Variants in SPATC1L observed in about 807,000 individuals in gnomAD.
SPATC1L encodes the protein speriolin-like protein.
Under a neutral mutation model 21.2 loss-of-function variants are expected in SPATC1L, and 20 were observed. That is an observed-to-expected ratio of 0.94 (90% CI 0.66 to 1.37). The LOEUF is 1.37. SPATC1L is among the 40% of genes most tolerant of loss of function. The pLI is 0.00. For synonymous variants in SPATC1L, 290 were observed against 234.5 expected, an observed-to-expected ratio of 1.24 and a Z score of -2.16; for missense variants, 499 against 478.7, an observed-to-expected ratio of 1.04 and a Z score of -0.40.
intron 2 of SPATC1L, among the ~76,000 whole-genome samples, chr21:46,176,785 A>G (rs923538988): frequency 1.3e-5 from 2 of 152,190 alleles, no homozygotes; most frequent in African/African-American, 2.4e-5. Flanking sequence ...AAACTGTTTA[A>G]AAATTCATAT....
Position 46,174,341 on chromosome 21 carries a change from A to AC in SPATC1L, c.194-5684_194-5683insG, listed in dbSNP as rs368509188. On this transcript the variant is annotated intron_variant, in intron 2 of 4. Transcript: ENST00000291672. ...GAGCAAGACTCTGTCTCAAAAAACA[A>AC]AACAAAAAAAAAAAAAAAACAGAAT... Among the ~76,000 whole-genome samples, 332 of 83,112 alleles carry AC rather than the reference A, an allele frequency of 4.0e-3. 4 individuals carry two copies. The highest frequency in any genetic ancestry group is 0.014 in the African/African-American group (318 of 22,668). 54.5% of individuals were successfully genotyped at this position (83,112 alleles called of 152,430 possible). A position where few individuals can be genotyped will look rare whatever the true frequency, so the allele number is the denominator to read the frequency against.
intron 3 of SPATC1L, among the ~76,000 whole-genome samples, chr21:46,165,150 A>G (rs967185984): frequency 6.6e-6 from 1 of 152,236 alleles, no homozygotes; most frequent in Non-Finnish European, 1.5e-5. Context: ...GAAATTGACC[A>G]ATTCCTTAAA....
At position 46,161,996 on chromosome 21, in the gene SPATC1L, G is replaced by A. The variant is rs575362573; in HGVS notation, c.616C>T (p.Arg206Cys). 42 of 1,604,430 alleles carry A rather than the reference G, an allele frequency of 2.6e-5. No homozygotes were observed. The South Asian group carries it at 3.4e-4, about 13-fold the overall frequency. The stretch of plus-strand genomic sequence containing the variant: ...CCCGGGAACACGTAGGCCAGGATGC[G>A]GCGGTCCAGCTGGAAGGCGATCTCG... ...VGEIAFQLDR[R>C]ILAYVFPGVT... Residue 206 changes from arginine (R) to cysteine (C), a missense_variant, in exon 4 of 5, where the codon CGC becomes TGC. Transcript: ENST00000291672.
At chr21:46,162,301 G>A (rs1458557021) in intron 3 of SPATC1L, among the ~76,000 whole-genome samples, 2 of 152,168 alleles carry the variant, frequency 1.3e-5, no homozygotes, top group East Asian at 3.9e-4. Context: ...TTGCGATGAG[G>A]TAAACCTTTT....
intron 2 of SPATC1L, among the ~76,000 whole-genome samples, chr21:46,169,072 C>T (rs2079562510): frequency 1.3e-5 from 2 of 152,288 alleles, no homozygotes; most frequent in South Asian, 4.1e-4. Flanking sequence ...CACCCTGAGC[C>T]ATCTGGTAGC....
At position 46,161,543 on chromosome 21, in the gene SPATC1L, G is replaced by A. The variant is rs781647948; in HGVS notation, c.859C>T (p.Gln287Ter). ...FLINTYGILK[Q>*]RPDLRANPLH... The stretch of plus-strand genomic sequence containing the variant: ...GGGTTGGCGCGCAGGTCGGGCCGCT[G>A]CTTCAGGATTCCGTAGGTGTTGATG... Residue 287 changes from glutamine (Q) to a stop codon, truncating the protein, a stop_gained, in exon 5 of 5, where the codon CAG becomes TAG. Transcript: ENST00000291672. LOFTEE classifies it high-confidence loss of function. 11 of 1,610,062 alleles carry A rather than the reference G, an allele frequency of 6.8e-6. No homozygotes were observed. In the African/African-American group the frequency reaches 1.1e-4, roughly 16 times the overall value.
rs1451622557 is a variant in SPATC1L at position 46,182,717 on chromosome 21, G to C, written c.100C>G (p.Leu34Val). ...CCCTCCTGGCAGCTCTGGCTGAGCA[G>C]CCGCCGCAGCATCTGATTCTCCTTC... ...LLKENQMLRR[L>V]LSQSCQEGGG... is the part of the protein sequence containing the mutation. Residue 34 changes from leucine to valine, a missense_variant, in exon 2 of 5, where the codon CTG becomes GTG. By Grantham distance (32) the Leu-to-Val change is conservative. Transcript: ENST00000291672. 10 of 1,546,324 alleles carry C rather than the reference G, an allele frequency of 6.5e-6. No individual in the cohort carries two copies. Among genetic ancestry groups the C allele is most frequent in the Non-Finnish European group, 8.7e-6 (10 of 1,146,704 alleles).
rs941152157 is a variant in SPATC1L, at chr21:46,168,220, G to A, written c.544+88C>T. 29 of 854,846 alleles carry A rather than the reference G, an allele frequency of 3.4e-5. 1 individual carries two copies. Among genetic ancestry groups the A allele is most frequent in the Middle Eastern group, 5.2e-4 (2 of 3,840 alleles). The allele number at this position is 854,846 out of a possible 1,614,324, so 53.0% of individuals were successfully genotyped here. A position where few individuals can be genotyped will look rare whatever the true frequency, so the allele number is the denominator to read the frequency against. On this transcript the variant is annotated intron_variant, in intron 3 of 4. Transcript: ENST00000291672. ...ACTCTGTGTGACTGGATGGAGAAAC[G>A]GCCCTGCCTGACCACCCAGTCATGC...
rs374154753 is a variant in SPATC1L at position 46,174,629 on chromosome 21, T to C, written c.194-5971A>G. On this transcript the variant is annotated intron_variant, in intron 2 of 4. Coordinates refer to ENST00000291672, the MANE Select transcript of SPATC1L (RefSeq NM_001142854.2). ...CAGACCTAACTACACTAAATATATA[T>C]GCACCCAACACAAGAGCACCAAGAT... Among the ~76,000 whole-genome samples, 4 of 152,176 alleles carry C rather than the reference T, an allele frequency of 2.6e-5. No individual in the cohort carries two copies. The East Asian group carries it at 7.7e-4, about 29-fold the overall frequency.
At position 46,161,990 on chromosome 21, in the gene SPATC1L, G is replaced by C. The variant is rs144994243; in HGVS notation, c.622C>G (p.Leu208Val). The part of the protein sequence containing the change: ...EIAFQLDRRI[L>V]AYVFPGVTRL... ...GTCACGCCCGGGAACACGTAGGCCAGGATGCGGCGGTCCAGCTGGAAGGCG... is the reference window on the plus strand; with the variant it reads ...GTCACGCCCGGGAACACGTAGGCCACGATGCGGCGGTCCAGCTGGAAGGCG... The change falls in exon 4 of 5, where the codon CTG becomes GTG. Residue 208 changes from leucine to valine, a missense_variant. By Grantham distance (32) the Leu-to-Val change is conservative. Coordinates refer to ENST00000291672, the MANE Select transcript of SPATC1L (RefSeq NM_001142854.2). The C allele has an allele frequency of 6.2e-7, 1 of 1,605,550 alleles. No individual in the cohort carries two copies. The highest frequency in any genetic ancestry group is 1.7e-5 in the Admixed American group (1 of 59,642).
At position 46,183,478 on chromosome 21, in the gene SPATC1L, C is replaced by CTTG; in HGVS notation, c.-663_-662insCAA. The CTTG allele has an allele frequency of 6.5e-6, 1 of 152,722 alleles. No individual in the cohort carries two copies. The highest frequency in any genetic ancestry group is 1.3e-5 in the Non-Finnish European group (1 of 76,924). The allele number at this position is 152,722 out of a possible 1,614,324, so 9.5% of individuals were successfully genotyped here. On this transcript the variant is annotated 5_prime_UTR_variant, in exon 2 of 5. Coordinates refer to ENST00000291672, the MANE Select transcript of SPATC1L (RefSeq NM_001142854.2). ...AGACCAGTCTGCGGGGGAGACCAGC[C>CTTG]TGGGGAGGAGACCAGCCTGCAGGGG...
chr21:46,172,531 C>A (rs1261977838), intron 2 of SPATC1L, among the ~76,000 whole-genome samples: 1 of 152,220 alleles, frequency 6.6e-6, no homozygotes, highest in Non-Finnish European at 1.5e-5. Context: ...CTCCTCTGGG[C>A]AGATGGGACC....
intron 4 of SPATC1L, 47 bp from the exon 5 acceptor site, chr21:46,161,752 G>A: frequency 6.6e-7 from 1 of 1,507,306 alleles, no homozygotes; most frequent in African/African-American, 1.4e-5. Flanking sequence ...GGGGCCCTCG[G>A]ACGGGGACTT....
intron 2 of SPATC1L, among the ~76,000 whole-genome samples, chr21:46,176,036 G>C (rs201200330): frequency 0.3 from 110 of 372 alleles, 1 homozygote; most frequent in East Asian, 0.49. Context: ...TACATAAACA[G>C]GACTAAAGCA....
chr21:46,162,345 C>G (rs79530301), intron 3 of SPATC1L, among the ~76,000 whole-genome samples: 14,991 of 152,118 alleles, frequency 0.099, 1,231 homozygotes, highest in African/African-American at 0.22. Flanking sequence ...CCCTGTCACG[C>G]GGGAGTCTGC....
intron 2 of SPATC1L, among the ~76,000 whole-genome samples, chr21:46,177,505 G>T (rs2079640937): frequency 1.3e-5 from 2 of 152,124 alleles, no homozygotes; most frequent in African/African-American, 4.8e-5. Context: ...ATGAAAAAAG[G>T]CTCAACATCA....
intron 2 of SPATC1L, among the ~76,000 whole-genome samples, chr21:46,178,926 G>C (rs1040874790): frequency 7.3e-5 from 11 of 151,548 alleles, no homozygotes; most frequent in African/African-American, 2.7e-4. Context: ...CCTGCCTTCT[G>C]AATCAATGAT....
chr21:46,165,494 G>A (rs1183790935), intron 3 of SPATC1L, among the ~76,000 whole-genome samples: 2 of 144,122 alleles, frequency 1.4e-5, no homozygotes, highest in African/African-American at 2.8e-5. Context: ...CAAAGAAAAG[G>A]ACAACATGAG....
At chr21:46,168,252 C>G in intron 3 of SPATC1L, 56 bp downstream of exon 3, 2 of 1,301,926 alleles carry the variant, frequency 1.5e-6, no homozygotes, top group Admixed American at 4.5e-5. Flanking sequence ...ATGCCCTCCC[C>G]ACAGCTGCCA....
Sources: allele counts gnomAD v4.1 joint callset (sites outside exome capture counted in the v4.1 genomes callset), GRCh38; gene constraint gnomAD v4.1.1; transcripts MANE v1.5; gene names NCBI Gene and HGNC (gene_info 2026-07-23, HGNC 2026-07-21).